Variants in ERI3 observed in about 807,000 individuals in gnomAD.
ERI3 encodes ERI1 exoribonuclease family member 3.
ERI3 carries 18 observed loss-of-function variants against 44.4 expected under a neutral mutation model. That is an observed-to-expected ratio of 0.41 (90% CI 0.28 to 0.60). ERI3 has a LOEUF of 0.60. Among genes scored for constraint, ERI3 ranks in the 20% least tolerant of loss-of-function variants. ERI3 has a pLI of 0.36. For missense variants in ERI3, 294 were observed against 435.5 expected, an observed-to-expected ratio of 0.68 and a Z score of 2.89; for synonymous variants, 183 against 164.8, an observed-to-expected ratio of 1.11 and a Z score of -0.84.
At chr1:44,353,791 G>C in intron 1 of ERI3, 1 of 985,406 alleles carries the variant, frequency 1.0e-6, no homozygotes, top group South Asian at 4.7e-5. Context: ...AATTTGGAGT[G>C]CTTAAGTTGC....
chr1:44,262,989 C>T (rs868391195), intron 7 of ERI3, among the ~76,000 whole-genome samples: 1 of 152,132 alleles, frequency 6.6e-6, no homozygotes, highest in African/African-American at 2.4e-5. Flanking sequence ...AGTCACATTT[C>T]CACTTGGGGA....
intron 1 of ERI3, chr1:44,353,503 T>A (rs1157690908): frequency 2.0e-6 from 2 of 985,350 alleles, no homozygotes; most frequent in African/African-American, 3.5e-5. Flanking sequence ...ATGCCCCTGT[T>A]AGTGATGTCT....
intron 4 of ERI3, among the ~76,000 whole-genome samples, chr1:44,315,165 G>A (rs577926553): frequency 6.6e-6 from 1 of 152,316 alleles, no homozygotes; most frequent in African/African-American, 2.4e-5. Context: ...AAGCTCCAGG[G>A]TCCAAATGTT....
At chr1:44,269,360 G>A (rs1468152423) in intron 7 of ERI3, among the ~76,000 whole-genome samples, 1 of 152,160 alleles carries the variant, frequency 6.6e-6, no homozygotes, top group East Asian at 1.9e-4. Flanking sequence ...ATTTCTCTAT[G>A]TTACACCATA....
At chr1:44,295,075 T>C (rs1645582779) in intron 6 of ERI3, among the ~76,000 whole-genome samples, 1 of 152,220 alleles carries the variant, frequency 6.6e-6, no homozygotes. Context: ...GCACTTGTCC[T>C]ATACAGAGTA....
chr1:44,284,702 G>C, intron 7 of ERI3, 133 bp downstream of exon 7: 1 of 694,720 alleles, frequency 1.4e-6, no homozygotes, highest in Non-Finnish European at 2.5e-6. Context: ...CTAAGGAAAA[G>C]GATGAAGTTA....
In ERI3 at chr1:44,247,927, G is replaced by A. The variant is rs533557442; in HGVS notation, c.931+12C>T. ...GGATGGAGCTGCCGGGGGAATATGC[G>A]AAGGGACTGACCAATGCCGCTGTGG... On this transcript the variant is annotated intron_variant, in intron 8 of 8. Coordinates refer to ENST00000372257, the MANE Select transcript of ERI3 (RefSeq NM_024066.3). 24 of 1,603,894 alleles carry A rather than the reference G, an allele frequency of 1.5e-5. No homozygotes were observed. Among genetic ancestry groups the A allele is most frequent in the Middle Eastern group, 1.7e-4 (1 of 6,040 alleles).
chr1:44,323,993 T>C (rs945514938), intron 3 of ERI3, among the ~76,000 whole-genome samples: 14 of 152,328 alleles, frequency 9.2e-5, no homozygotes, highest in Non-Finnish European at 1.0e-4. Context: ...GAGCAATGAA[T>C]GTGGACTCTC....
At chr1:44,268,980 C>A (rs886598101) in intron 7 of ERI3, among the ~76,000 whole-genome samples, 8 of 152,220 alleles carry the variant, frequency 5.3e-5, no homozygotes, top group Admixed American at 1.3e-4. Flanking sequence ...AACTCCTCCA[C>A]AATACCTGAG....
intron 5 of ERI3, among the ~76,000 whole-genome samples, chr1:44,312,693 G>A (rs1645998707): frequency 6.6e-6 from 1 of 152,268 alleles, no homozygotes; most frequent in Admixed American, 6.5e-5. Context: ...GGCGGGCCCA[G>A]CCACAGCTCC....
At chr1:44,314,816 A>T (rs1264699681) in intron 4 of ERI3, among the ~76,000 whole-genome samples, 2 of 152,214 alleles carry the variant, frequency 1.3e-5, no homozygotes, top group Non-Finnish European at 2.9e-5. Context: ...GTGAAGAAAA[A>T]TGTAAAAACT....
chr1:44,299,567 C>G (rs1034285381), intron 6 of ERI3, among the ~76,000 whole-genome samples: 1 of 152,056 alleles, frequency 6.6e-6, no homozygotes, highest in Non-Finnish European at 1.5e-5. Flanking sequence ...ATATCTCATA[C>G]AAAGGAAAAT....
chr1:44,285,069 C>T lies in ERI3; in HGVS notation c.759-162G>A, dbSNP rs542244994. Among the ~76,000 whole-genome samples, 115 of 152,342 alleles carry T rather than the reference C, an allele frequency of 7.5e-4. 1 individual carries two copies. The highest frequency in any genetic ancestry group is 2.6e-3 in the African/African-American group (107 of 41,570). ...CACCAAAGAAAGGGAACCCCACCTC[C>T]AGCACCATGGACACTGGGCTCCAGC... On this transcript the variant is annotated intron_variant, in intron 6 of 8. Transcript: ENST00000372257.
At chr1:44,280,795 C>T (rs1645269192) in intron 7 of ERI3, among the ~76,000 whole-genome samples, 1 of 152,178 alleles carries the variant, frequency 6.6e-6, no homozygotes, top group Non-Finnish European at 1.5e-5. Context: ...TTACCCTAAA[C>T]ATCAAGGTCA....
intron 5 of ERI3, among the ~76,000 whole-genome samples, 174 bp downstream of exon 5, chr1:44,312,995 A>G (rs947218165): frequency 9.8e-4 from 150 of 152,376 alleles, no homozygotes; most frequent in African/African-American, 3.4e-3. Context: ...ACAGCTGGAG[A>G]TGACAGATCA....
intron 7 of ERI3, among the ~76,000 whole-genome samples, chr1:44,250,296 G>A (rs550260811): frequency 1.3e-5 from 2 of 152,356 alleles, no homozygotes; most frequent in African/African-American, 4.8e-5. Flanking sequence ...CGGGGACAGG[G>A]CAGCTCAACG....
chr1:44,264,961 A>T lies in ERI3; in HGVS notation c.832-16923T>A, dbSNP rs1201223814. 5.9e-5 allele frequency among the ~76,000 whole-genome samples: 9 copies of T among 152,214 alleles called. 1 individual carries two copies. The highest frequency in any genetic ancestry group is 5.9e-4 in the Admixed American group (9 of 15,286). ...TCCTTTTCTTCCATGGAGCTGGTTC[A>T]TATGGGCTACTGACTGGAATGGTAG... On this transcript the variant is annotated intron_variant, in intron 7 of 8. Transcript: ENST00000372257.
At chr1:44,300,727 G>A (rs1209616557) in intron 6 of ERI3, among the ~76,000 whole-genome samples, 2 of 152,170 alleles carry the variant, frequency 1.3e-5, no homozygotes, top group Admixed American at 6.5e-5. Flanking sequence ...TCTGGGCCCG[G>A]GGACATGTGC....
chr1:44,331,131 G>A (rs147541318), intron 3 of ERI3, among the ~76,000 whole-genome samples: 4 of 152,106 alleles, frequency 2.6e-5, no homozygotes, highest in East Asian at 3.9e-4. Flanking sequence ...CCCTCCAGTC[G>A]CTTCTGATCC....
Sources: allele counts gnomAD v4.1 joint callset (sites outside exome capture counted in the v4.1 genomes callset), GRCh38; gene constraint gnomAD v4.1.1; transcripts MANE v1.5; gene names NCBI Gene and HGNC (gene_info 2026-07-23, HGNC 2026-07-21).